MEF2A: variants seen among roughly 807,000 people sequenced by gnomAD.
MEF2A encodes the protein myocyte enhancer factor 2A.
Under a neutral mutation model 55.8 loss-of-function variants are expected in MEF2A, and 28 were observed. The ratio of observed to expected loss-of-function variants is 0.50; its 90% CI spans 0.37 to 0.69. The LOEUF (loss-of-function observed/expected upper bound fraction) is 0.69. Ranked by LOEUF, MEF2A falls within the 30% of genes least tolerant of loss-of-function variation. The pLI, the probability that MEF2A is intolerant of heterozygous loss-of-function variation, is 0.00. For missense variants in MEF2A, 528 were observed against 626.2 expected, an observed-to-expected ratio of 0.84 and a Z score of 1.67; for synonymous variants, 239 against 227.1, an observed-to-expected ratio of 1.05 and a Z score of -0.47.
intron 2 of MEF2A, among the ~76,000 whole-genome samples, chr15:99,612,048 T>C (rs1258779427): frequency 1.3e-5 from 2 of 152,164 alleles, no homozygotes; most frequent in African/African-American, 4.8e-5. Flanking sequence ...GTATCAAATT[T>C]CTTTTTGGGA....
At chr15:99,661,114 T>C (rs993075944) in intron 4 of MEF2A, among the ~76,000 whole-genome samples, 1 of 152,166 alleles carries the variant, frequency 6.6e-6, no homozygotes, top group African/African-American at 2.4e-5. Context: ...TAATATATGA[T>C]AGAGTGGCAG....
chr15:99,645,819 A>C lies in MEF2A; in HGVS notation c.258+55A>C, dbSNP rs1596754450. 10 of 1,271,896 alleles carry C rather than the reference A, an allele frequency of 7.9e-6. No homozygotes were observed. In the East Asian group the frequency reaches 2.5e-4, roughly 32 times the overall value. The allele number at this position is 1,271,896 out of a possible 1,614,324, so 78.8% of individuals were successfully genotyped here. ...CAAGTAATACTGAAATATTTTGTTT[A>C]ATAGCATTAACTGTCAGAATGACTT... On this transcript the variant is annotated intron_variant, in intron 4 of 11. Transcript: ENST00000557942.
chr15:99,666,093 A>G (rs762220626), intron 4 of MEF2A, among the ~76,000 whole-genome samples: 6 of 152,120 alleles, frequency 3.9e-5, no homozygotes, highest in Non-Finnish European at 5.9e-5. Context: ...CTGAATATAT[A>G]CCCAAAGGAT....
chr15:99,706,915 T>G lies in MEF2A; in HGVS notation c.1009+60T>G, dbSNP rs1005694367. On this transcript the variant is annotated intron_variant, in intron 10 of 11. Coordinates refer to ENST00000557942, the MANE Select transcript of MEF2A (RefSeq NM_001319206.4). ...CGCTCTCTGTTTTGTGATCAACGTGTGCTTCTGTGATTTTTTTTAAGTATA... is the reference window on the plus strand; with the variant it reads ...CGCTCTCTGTTTTGTGATCAACGTGGGCTTCTGTGATTTTTTTTAAGTATA... The G allele has an allele frequency of 8.0e-5, 123 of 1,542,306 alleles. 1 individual carries two copies. In the African/African-American group the frequency reaches 1.6e-3, roughly 20 times the overall value.
intron 3 of MEF2A, 108 bp from the exon 4 acceptor site, chr15:99,645,453 C>A: frequency 1.2e-6 from 1 of 804,690 alleles, no homozygotes. Context: ...GGAACCTTTT[C>A]CATCTTTGAA....
At chr15:99,568,027 C>T (rs1219201799) in intron 1 of MEF2A, among the ~76,000 whole-genome samples, 1 of 152,134 alleles carries the variant, frequency 6.6e-6, no homozygotes, top group Non-Finnish European at 1.5e-5. Flanking sequence ...AAAACAGTGA[C>T]TGTGAAGTAA....
Position 99,650,222 on chromosome 15 carries a change from T to A in MEF2A, c.258+4458T>A, listed in dbSNP as rs75211184. Among the ~76,000 whole-genome samples, 307 of 152,338 alleles carry A rather than the reference T, an allele frequency of 2.0e-3. 2 individuals are homozygous for A. Among genetic ancestry groups the A allele is most frequent in the African/African-American group, 7.1e-3 (296 of 41,564 alleles). ...CATTAAAATGACTTGCCCAGAGTCA[T>A]GTAGCAATGTAGTGGCAGAACCAGG... On this transcript the variant is annotated intron_variant, in intron 4 of 11. Transcript: ENST00000557942.
In MEF2A at chr15:99,710,523, A is replaced by T. The variant is rs889226524; in HGVS notation, c.1010-111A>T. The T allele has an allele frequency of 5.8e-6, 8 of 1,382,154 alleles. No individual in the cohort carries two copies. In the Admixed American group the frequency reaches 1.3e-4, roughly 23 times the overall value. 85.6% of individuals were successfully genotyped at this position (1,382,154 alleles called of 1,614,324 possible). A position where few individuals can be genotyped will look rare whatever the true frequency, so the allele number is the denominator to read the frequency against. On this transcript the variant is annotated intron_variant, in intron 10 of 11. Transcript: ENST00000557942. ...CTCCCAAAGTGCTGGGATTACTGGC[A>T]TGAGCCAGCATGGCTGGCCTCAATG...
At chr15:99,592,525 T>A (rs1434431006) in intron 1 of MEF2A, among the ~76,000 whole-genome samples, 1 of 152,174 alleles carries the variant, frequency 6.6e-6, no homozygotes, top group Non-Finnish European at 1.5e-5. Context: ...TAACTTAGAC[T>A]GGATAATTTA....
chr15:99,710,903 G>A, intron 11 of MEF2A, 143 bp downstream of exon 11: 2 of 1,019,024 alleles, frequency 2.0e-6, no homozygotes, highest in South Asian at 3.6e-5. Context: ...AGTGTCGGGA[G>A]AAAATATTTT....
intron 7 of MEF2A, among the ~76,000 whole-genome samples, chr15:99,677,123 AAAATAAAT>A (rs549883041): frequency 5.3e-5 from 8 of 151,638 alleles, no homozygotes; most frequent in Non-Finnish European, 1.0e-4. Flanking sequence ...CGCTGTCTCA[AAAATAAAT>A]AAATAAATAA....
At chr15:99,597,686 C>T (rs1971692164) in intron 1 of MEF2A, among the ~76,000 whole-genome samples, 1 of 152,156 alleles carries the variant, frequency 6.6e-6, no homozygotes, top group African/African-American at 2.4e-5. Context: ...ATCACGGAAC[C>T]TACCGACATG....
At position 99,671,357 on chromosome 15, in the gene MEF2A, G is replaced by T; in HGVS notation, c.293G>T (p.Ser98Ile). The T allele has an allele frequency of 1.2e-6, 2 of 1,612,890 alleles. No individual in the cohort carries two copies. The highest frequency in any genetic ancestry group is 1.7e-6 in the Non-Finnish European group (2 of 1,179,004). The change falls in exon 5 of 12, where the codon AGC (serine) becomes ATC (isoleucine). Residue 98 changes from serine (S) to isoleucine (I), a missense_variant. Physicochemically the swap from Ser to Ile is moderately radical, Grantham distance 142. Transcript: ENST00000557942. ...AAGAAAGGCCTTAATGGTTGTGAGA[G>T]CCCTGATGCTGACGATTACTTTGAG... ...LRKKGLNGCE[S>I]PDADDYFEHS...
intron 1 of MEF2A, among the ~76,000 whole-genome samples, chr15:99,594,156 A>G (rs1246749137): frequency 6.6e-6 from 1 of 152,224 alleles, no homozygotes; most frequent in Non-Finnish European, 1.5e-5. Context: ...TCAGATGCCA[A>G]CTACAAGTCC....
intron 8 of MEF2A, among the ~76,000 whole-genome samples, chr15:99,698,834 G>C (rs2056916185): frequency 6.6e-6 from 1 of 151,734 alleles, no homozygotes; most frequent in Non-Finnish European, 1.5e-5. Flanking sequence ...ATGCTGGTGA[G>C]GATGCAAAGC....
At chr15:99,702,875 T>C (rs1276673648) in intron 8 of MEF2A, among the ~76,000 whole-genome samples, 1 of 152,354 alleles carries the variant, frequency 6.6e-6, no homozygotes, top group South Asian at 2.1e-4. Flanking sequence ...TTATAACTGC[T>C]AGCTCCTGCG....
At chr15:99,654,555 A>AATAT (rs1468656919) in intron 4 of MEF2A, among the ~76,000 whole-genome samples, 2 of 146,914 alleles carry the variant, frequency 1.4e-5, no homozygotes, top group Non-Finnish European at 3.0e-5. Context: ...TAAATAAATA[A>AATAT]ATAAATAAAA....
At chr15:99,601,809 G>T (rs372758192) in intron 2 of MEF2A, among the ~76,000 whole-genome samples, 4 of 1,234 alleles carry the variant, frequency 3.2e-3, no homozygotes, top group Admixed American at 0.013. Flanking sequence ...TGTCTGTTTT[G>T]TGTGTGTGTG....
intron 4 of MEF2A, among the ~76,000 whole-genome samples, chr15:99,652,826 A>G (rs1797357920): frequency 6.6e-6 from 1 of 152,206 alleles, no homozygotes; most frequent in African/African-American, 2.4e-5. Context: ...ATTGAATGTA[A>G]TAGTTCTACA....
Sources: gnomAD v4.1 joint callset for allele counts (sites outside exome capture counted in the v4.1 genomes callset) on GRCh38, gnomAD v4.1.1 for gene constraint, MANE v1.5 for transcripts, NCBI Gene and HGNC (gene_info 2026-07-23, HGNC 2026-07-21) for gene names.